The following WWP2 variants were observed in gnomAD, a reference collection of about 807,000 sequenced individuals.
The protein encoded by WWP2 is WW domain containing E3 ubiquitin protein ligase 2.
WWP2 carries 57 observed loss-of-function variants against 121.0 expected under a neutral mutation model. That is an observed-to-expected ratio of 0.47 (90% CI 0.38 to 0.59). WWP2 has a LOEUF of 0.59. WWP2 is among the 20% of genes least tolerant of loss of function. The pLI is 0.00. For synonymous variants in WWP2, 449 were observed against 441.3 expected (o/e 1.02, Z -0.22); for missense variants, 962 against 1,158.9 (o/e 0.83, Z 2.47).
Position 69,799,096 on chromosome 16 carries a change from CA to C in WWP2, c.219-77del. 1.3e-6 allele frequency: 2 copies of C among 1,541,976 alleles called. No individual in the cohort carries two copies. Among genetic ancestry groups the C allele is most frequent in the Non-Finnish European group, 1.7e-6 (2 of 1,145,068 alleles). On this transcript the variant is annotated intron_variant, in intron 3 of 23. Coordinates refer to ENST00000359154, the MANE Select transcript of WWP2 (RefSeq NM_001270454.2). This position sits in a 1 kb window ranked among gnomAD's most constrained non-coding sequence, Gnocchi z 4.5. ...TGGTTCCCCCTCCCCAAGATGTCAG[CA>C]GTTTAGTTTAAATGTTTTCTTCTAA... is the stretch of plus-strand genomic sequence containing the variant.
At chr16:69,791,788 G>C (rs2055917253) in intron 2 of WWP2, among the ~76,000 whole-genome samples, 1 of 151,966 alleles carries the variant, frequency 6.6e-6, no homozygotes, top group Non-Finnish European at 1.5e-5. Flanking sequence ...TTAAAGTGCT[G>C]GGATTACAGG....
rs138139651 is a variant in WWP2 at position 69,845,666 on chromosome 16, G to A, written c.575+3546G>A. Among the ~76,000 whole-genome samples, 43 of 152,080 alleles carry A rather than the reference G, an allele frequency of 2.8e-4. 1 individual carries two copies. Among genetic ancestry groups the A allele is most frequent in the Admixed American group, 2.2e-3 (33 of 15,278 alleles). ...AGGGTTTTATCTGAGGGGTTCATTCGTCCAAGCTCATCCCGCAGAGCACCA... is the reference window on the plus strand; with the variant it reads ...AGGGTTTTATCTGAGGGGTTCATTCATCCAAGCTCATCCCGCAGAGCACCA... On this transcript the variant is annotated intron_variant, in intron 6 of 23. Coordinates refer to ENST00000359154, the MANE Select transcript of WWP2 (RefSeq NM_001270454.2).
intron 4 of WWP2, among the ~76,000 whole-genome samples, chr16:69,836,090 A>C (rs1276628431): frequency 1.3e-5 from 2 of 152,208 alleles, no homozygotes; most frequent in African/African-American, 4.8e-5. Context: ...GACGTGAGCC[A>C]CCGTGCCTGT....
chr16:69,854,220 T>A (rs925772114), intron 6 of WWP2, among the ~76,000 whole-genome samples: 1 of 152,232 alleles, frequency 6.6e-6, no homozygotes, highest in Admixed American at 6.5e-5. Flanking sequence ...GAAATGACTT[T>A]CTAGTCTTGA....
At chr16:69,823,020 A>G (rs1333314313) in intron 4 of WWP2, among the ~76,000 whole-genome samples, 1 of 152,134 alleles carries the variant, frequency 6.6e-6, no homozygotes, top group Non-Finnish European at 1.5e-5. Flanking sequence ...AATCTCAGCT[A>G]CTTGGGAGGC....
chr16:69,824,319 C>T (rs1280648429), intron 4 of WWP2, among the ~76,000 whole-genome samples: 4 of 152,064 alleles, frequency 2.6e-5, no homozygotes, highest in East Asian at 1.9e-4. Flanking sequence ...GAGAGTGGTC[C>T]GTCAAAAGGG....
intron 6 of WWP2, among the ~76,000 whole-genome samples, chr16:69,870,335 C>CT (rs1342633679): frequency 7.0e-6 from 1 of 141,848 alleles, no homozygotes; most frequent in Non-Finnish European, 1.5e-5. Flanking sequence ...CTCACTCACT[C>CT]TGTCACCCAG....
intron 6 of WWP2, among the ~76,000 whole-genome samples, chr16:69,868,661 G>GCACACACACA (rs57674223): frequency 4.0e-5 from 6 of 149,334 alleles, no homozygotes; most frequent in African/African-American, 9.8e-5. Flanking sequence ...ATACACATGT[G>GCACACACACA]CACACACACA....
At chr16:69,931,927 C>T (rs377668326) in intron 16 of WWP2, 37 bp downstream of exon 16, 19 of 1,579,920 alleles carry the variant, frequency 1.2e-5, no homozygotes, top group East Asian at 2.2e-5. Context: ...CCCTGTACCC[C>T]GCTTCCCCAG....
chr16:69,842,204 T>C, intron 6 of WWP2, 84 bp downstream of exon 6: 1 of 1,336,880 alleles, frequency 7.5e-7, no homozygotes, highest in Middle Eastern at 1.8e-4. Context: ...GGGGAACATT[T>C]TATGGTAGAA....
chr16:69,790,351 C>T (rs1434946218), intron 2 of WWP2, among the ~76,000 whole-genome samples: 1 of 152,002 alleles, frequency 6.6e-6, no homozygotes, highest in African/African-American at 2.4e-5. Flanking sequence ...GAGAAAAAAT[C>T]ATAAGGAGGA....
intron 4 of WWP2, among the ~76,000 whole-genome samples, chr16:69,812,970 C>T (rs540642023): frequency 9.9e-5 from 15 of 152,178 alleles, no homozygotes; most frequent in South Asian, 4.1e-4. Context: ...TTTCTGCATC[C>T]GGTGATTTTA....
intron 6 of WWP2, among the ~76,000 whole-genome samples, chr16:69,859,010 T>C (rs1037353965): frequency 1.3e-5 from 2 of 152,234 alleles, no homozygotes; most frequent in African/African-American, 4.8e-5. Context: ...GTCATGCATG[T>C]ATTTGAGAGT....
chr16:69,798,321 A>G (rs1046245547), intron 2 of WWP2, among the ~76,000 whole-genome samples: 22 of 152,216 alleles, frequency 1.4e-4, no homozygotes, highest in African/African-American at 5.3e-4. Flanking sequence ...ACATATACCT[A>G]TTATGGGCTT....
At chr16:69,797,742 A>G (rs1355267291) in intron 2 of WWP2, among the ~76,000 whole-genome samples, 1 of 151,826 alleles carries the variant, frequency 6.6e-6, no homozygotes, top group Non-Finnish European at 1.5e-5. Context: ...TACAAAAATT[A>G]GCCAGGCACG....
chr16:69,872,986 A>G (rs1257363104), intron 7 of WWP2, among the ~76,000 whole-genome samples: 2 of 152,188 alleles, frequency 1.3e-5, no homozygotes, highest in African/African-American at 4.8e-5. Context: ...GTCGTTTGGT[A>G]GTTTGTCTTC....
chr16:69,912,916 TACAAAACAAAAAAAAAAAAAAAA>T (rs1567427062), intron 9 of WWP2, among the ~76,000 whole-genome samples: 1 of 830 alleles, frequency 1.2e-3, no homozygotes, highest in Non-Finnish European at 1.5e-3. Context: ...AACCAGTCTC[TACAAAACAAAAAAAAAAAAAAAA>T]AAAAAAAAAA....
At chr16:69,847,627 C>T (rs544266870) in intron 6 of WWP2, among the ~76,000 whole-genome samples, 6 of 152,028 alleles carry the variant, frequency 3.9e-5, no homozygotes, top group Admixed American at 2.0e-4. Context: ...AGGCTGGTCT[C>T]GAACTCCCGA....
At chr16:69,798,024 G>A (rs1010309568) in intron 2 of WWP2, among the ~76,000 whole-genome samples, 1 of 152,214 alleles carries the variant, frequency 6.6e-6, no homozygotes, top group Non-Finnish European at 1.5e-5. Context: ...GGCCTTAGCT[G>A]TTGTCTTTAC....
Sources: gnomAD v4.1 joint callset for allele counts (sites outside exome capture counted in the v4.1 genomes callset) on GRCh38, gnomAD v4.1.1 for gene constraint, Gnocchi (gnomAD v3.1) non-coding constraint, MANE v1.5 for transcripts, NCBI Gene and HGNC (gene_info 2026-07-23, HGNC 2026-07-21) for gene names.